KIAA1217: variants seen among roughly 807,000 people sequenced by gnomAD.
The protein encoded by KIAA1217 is sickle tail protein homolog.
KIAA1217 carries 88 observed loss-of-function variants against 163.9 expected under a neutral mutation model. The ratio of observed to expected loss-of-function variants is 0.54; its 90% CI spans 0.45 to 0.64. The LOEUF (loss-of-function observed/expected upper bound fraction) is 0.64, where lower values mean the gene tolerates loss of function less well. KIAA1217 is among the 30% of genes least tolerant of loss of function. KIAA1217 has a pLI of 0.00. For synonymous variants in KIAA1217, 903 were observed against 923.1 expected (o/e 0.98, Z 0.39); for missense variants, 2,372 against 2,475.0 (o/e 0.96, Z 0.88).
At chr10:24,005,986 G>A (rs1208105045) in intron 1 of KIAA1217, among the ~76,000 whole-genome samples, 3 of 152,072 alleles carry the variant, frequency 2.0e-5, no homozygotes, top group Admixed American at 1.3e-4. Flanking sequence ...GAAATCAAAT[G>A]GTTTCGCCAG....
chr10:24,040,152 T>G (rs548493256), intron 2 of KIAA1217, among the ~76,000 whole-genome samples: 8 of 152,194 alleles, frequency 5.3e-5, no homozygotes, highest in Non-Finnish European at 1.2e-4. Context: ...CTTTGCCAGG[T>G]GCCACAGCCC....
At chr10:23,919,697 G>A (rs960227882) in intron 1 of KIAA1217, among the ~76,000 whole-genome samples, 5 of 150,070 alleles carry the variant, frequency 3.3e-5, no homozygotes, top group Non-Finnish European at 5.9e-5. Context: ...CATGCCAAGT[G>A]TGCAGGCACT....
chr10:24,514,546 G>A (rs1592569697), intron 10 of KIAA1217, among the ~76,000 whole-genome samples: 1 of 152,152 alleles, frequency 6.6e-6, no homozygotes, highest in East Asian at 1.9e-4. Flanking sequence ...TCTCAAAATA[G>A]CTTCCAAAAT....
At chr10:24,019,188 A>G (rs1489265700) in intron 2 of KIAA1217, among the ~76,000 whole-genome samples, 1 of 152,138 alleles carries the variant, frequency 6.6e-6, no homozygotes, top group Non-Finnish European at 1.5e-5. Flanking sequence ...CTGAAAAAGT[A>G]GATTTTAAAA....
intron 1 of KIAA1217, among the ~76,000 whole-genome samples, chr10:23,933,642 A>G (rs186170677): frequency 6.6e-6 from 1 of 152,310 alleles, no homozygotes; most frequent in Non-Finnish European, 1.5e-5. Flanking sequence ...CAATCTACCC[A>G]TCTAACAAAG....
chr10:23,716,659 T>C (rs1837589317), intron 1 of KIAA1217, among the ~76,000 whole-genome samples: 1 of 152,154 alleles, frequency 6.6e-6, no homozygotes, highest in Admixed American at 6.6e-5. Flanking sequence ...GGGTGTGATT[T>C]TATGATATAA....
chr10:24,528,184 C>A, intron 14 of KIAA1217, 65 bp downstream of exon 14: 1 of 1,341,044 alleles, frequency 7.5e-7, no homozygotes, highest in Non-Finnish European at 1.0e-6. Flanking sequence ...ACAGTGCCAT[C>A]CACGACAGCA....
intron 1 of KIAA1217, among the ~76,000 whole-genome samples, chr10:23,729,464 G>A (rs962430689): frequency 6.6e-6 from 1 of 152,230 alleles, no homozygotes; most frequent in Non-Finnish European, 1.5e-5. Context: ...GCATTTGGTG[G>A]TGTCAGAGTT....
chr10:23,815,600 G>C (rs970919086), intron 1 of KIAA1217, among the ~76,000 whole-genome samples: 9 of 152,050 alleles, frequency 5.9e-5, no homozygotes, highest in African/African-American at 2.2e-4. Context: ...GCTGAGATCA[G>C]GCCACTGCAC....
At chr10:24,506,695 G>GA (rs756237476) in intron 9 of KIAA1217, among the ~76,000 whole-genome samples, 2 of 152,122 alleles carry the variant, frequency 1.3e-5, no homozygotes, top group African/African-American at 2.4e-5. Context: ...AGAATGGGGG[G>GA]AAAAAACCTA....
At chr10:23,729,936 C>G (rs1838381505) in intron 1 of KIAA1217, among the ~76,000 whole-genome samples, 1 of 150,816 alleles carries the variant, frequency 6.6e-6, no homozygotes, top group Admixed American at 6.6e-5. Context: ...TAGTCTCACT[C>G]TGTCACCCAG....
intron 2 of KIAA1217, among the ~76,000 whole-genome samples, chr10:24,160,302 A>G (rs1444214780): frequency 1.3e-5 from 2 of 152,188 alleles, no homozygotes; most frequent in Non-Finnish European, 2.9e-5. Flanking sequence ...GGAATACATC[A>G]ATTTAGGCAA....
intron 5 of KIAA1217, among the ~76,000 whole-genome samples, chr10:24,441,867 A>G (rs2060523895): frequency 6.6e-6 from 1 of 152,134 alleles, no homozygotes; most frequent in East Asian, 1.9e-4. Flanking sequence ...ATGACTCTCA[A>G]AAAGTACACG....
intron 2 of KIAA1217, among the ~76,000 whole-genome samples, chr10:24,109,494 T>C (rs1173896583): frequency 1.3e-5 from 2 of 152,124 alleles, no homozygotes; most frequent in East Asian, 1.9e-4. Context: ...TAATTCTCTA[T>C]GTGGATTAAC....
chr10:24,436,422 T>G (rs2060023252), intron 4 of KIAA1217, among the ~76,000 whole-genome samples: 1 of 151,528 alleles, frequency 6.6e-6, no homozygotes, highest in Non-Finnish European at 1.5e-5. Flanking sequence ...TATATTTTAT[T>G]TGAATGGTAG....
At chr10:23,764,855 T>C (rs927275420) in intron 1 of KIAA1217, among the ~76,000 whole-genome samples, 26 of 152,140 alleles carry the variant, frequency 1.7e-4, no homozygotes, top group Non-Finnish European at 8.8e-5. Context: ...CAAACCACCA[T>C]GGCACACATA....
chr10:24,000,737 C>G (rs1354001121), intron 1 of KIAA1217, among the ~76,000 whole-genome samples: 1 of 152,252 alleles, frequency 6.6e-6, no homozygotes, highest in Non-Finnish European at 1.5e-5. Context: ...TGAGAAAACA[C>G]TGTCAGATTT....
chr10:24,367,129 G>C, intron 2 of KIAA1217: 5 of 985,156 alleles, frequency 5.1e-6, no homozygotes, highest in Non-Finnish European at 6.0e-6. Context: ...GCTTTGAAGG[G>C]CATGCTGATC....
intron 1 of KIAA1217, among the ~76,000 whole-genome samples, chr10:23,892,932 T>G (rs1325664341): frequency 6.6e-6 from 1 of 151,980 alleles, no homozygotes; most frequent in African/African-American, 2.4e-5. Context: ...TTGACGTCTC[T>G]TTGAAAAGCA....
Sources: gnomAD v4.1 joint callset for allele counts (sites outside exome capture counted in the v4.1 genomes callset) on GRCh38, gnomAD v4.1.1 for gene constraint, MANE v1.5 for transcripts, NCBI Gene and HGNC (gene_info 2026-07-23, HGNC 2026-07-21) for gene names.